The following ASH1L variants were observed in gnomAD, a reference collection of about 807,000 sequenced individuals.
ASH1L encodes ASH1 like histone lysine methyltransferase.
A neutral mutation model predicts 269.0 loss-of-function variants in ASH1L; 23 were observed. The observed-to-expected ratio is 0.09, with a 90% CI of 0.06 to 0.12. The LOEUF (loss-of-function observed/expected upper bound fraction) is 0.12, where lower values mean the gene tolerates loss of function less well. ASH1L is among the 10% of genes least tolerant of loss of function. ASH1L has a pLI of 1.00. For synonymous variants in ASH1L, 1,187 were observed against 1,253.5 expected, an observed-to-expected ratio of 0.95 and a Z score of 1.12; for missense variants, 2,912 against 3,567.8, an observed-to-expected ratio of 0.82 and a Z score of 4.68.
chr1:155,434,104 A>G, intron 5 of ASH1L: 1 of 1,593,350 alleles, frequency 6.3e-7, no homozygotes, highest in Non-Finnish European at 8.5e-7. Flanking sequence ...TCTCAGGGGT[A>G]CCAGTATCCT....
intron 1 of ASH1L, among the ~76,000 whole-genome samples, chr1:155,560,263 C>T (rs147473764): frequency 3.0e-4 from 45 of 152,154 alleles, no homozygotes; most frequent in African/African-American, 9.6e-4. Context: ...ACTTGAGGGC[C>T]CAGTGTCTTT....
Position 155,343,782 on chromosome 1 carries a change from C to T in ASH1L, c.7982-40G>A, listed in dbSNP as rs757766035. ...AACACAGAAGAAACATAAAACAATT[C>T]TTGTATGAATTCTGTTAGGCATCTG... On this transcript the variant is annotated intron_variant, in intron 22 of 27. Coordinates refer to ENST00000392403, the MANE Select transcript of ASH1L (RefSeq NM_018489.3). The surrounding 1 kb of genome is among the most constrained non-coding windows in gnomAD (Gnocchi z 6.1). 1.2e-6 allele frequency: 2 copies of T among 1,605,728 alleles called. No homozygotes were observed. The highest frequency in any genetic ancestry group is 1.7e-6 in the Non-Finnish European group (2 of 1,176,054).
intron 3 of ASH1L, among the ~76,000 whole-genome samples, chr1:155,466,705 G>A (rs1314283925): frequency 6.6e-6 from 1 of 152,128 alleles, no homozygotes; most frequent in African/African-American, 2.4e-5. Flanking sequence ...TCTGTGTCAG[G>A]AACATTTCAA....
In ASH1L at chr1:155,480,075, C is replaced by T. The variant is rs1332208973; in HGVS notation, c.2795G>A (p.Ser932Asn). ...ATCCTCGCTCTCAAAGAAATCACTG[C>T]TACTTCTATGGTTGTCACTTTCAGA... ...LESESDNHRS[S>N]SDFFESEDQL... is the part of the protein sequence containing the mutation. The change falls in exon 3 of 28, where the codon AGC becomes AAC. Residue 932 changes from serine to asparagine, a missense_variant. By Grantham distance (46) the Ser-to-Asn change is conservative. Transcript: ENST00000392403. 1 of 1,614,098 alleles carries T rather than the reference C, an allele frequency of 6.2e-7. No individual in the cohort carries two copies. Among genetic ancestry groups the T allele is most frequent in the Non-Finnish European group, 8.5e-7 (1 of 1,180,014 alleles).
intron 6 of ASH1L, among the ~76,000 whole-genome samples, chr1:155,412,169 G>A (rs1375235870): frequency 1.3e-5 from 2 of 151,840 alleles, no homozygotes; most frequent in Non-Finnish European, 2.9e-5. Flanking sequence ...TTGAACCCAG[G>A]AGGTGGAGGT....
At chr1:155,530,097 AT>A (rs1160552312) in intron 1 of ASH1L, among the ~76,000 whole-genome samples, 2 of 152,024 alleles carry the variant, frequency 1.3e-5, no homozygotes, top group South Asian at 4.2e-4. Context: ...AGATAATTGC[AT>A]ATCTTGCTCT....
chr1:155,452,192 T>G (rs914203033), intron 4 of ASH1L, among the ~76,000 whole-genome samples: 14 of 151,046 alleles, frequency 9.3e-5, no homozygotes, highest in African/African-American at 3.4e-4. Context: ...GCGCCCGCCA[T>G]CATACCTGGC....
chr1:155,526,371 T>C (rs1203556344), intron 1 of ASH1L, among the ~76,000 whole-genome samples: 1 of 152,262 alleles, frequency 6.6e-6, no homozygotes, highest in Admixed American at 6.5e-5. Context: ...ATATTTCACA[T>C]AGGTGGTTTT....
In ASH1L at chr1:155,370,618, C is replaced by T. The variant is rs773010778; in HGVS notation, c.6572G>A (p.Ser2191Asn). ...ATCCAGGTTCAGGCAGTAGTGGTCA[C>T]TGTGATTATGATACTGCTCAATCAT... is the stretch of plus-strand genomic sequence containing the variant. Reference protein sequence around the residue: ...NRMIEQYHNHSDHYCLNLDSG... With the variant: ...NRMIEQYHNHNDHYCLNLDSG... The change falls in exon 12 of 28, where the codon AGT (serine) becomes AAT (asparagine). Residue 2191 changes from serine to asparagine, a missense_variant. Physicochemically the swap from Ser to Asn is conservative, Grantham distance 46. Around this residue, in one of 13 missense-constraint regions of ASH1L, gnomAD observed 193 missense variants for 311.6 expected, o/e 0.62. Transcript: ENST00000392403. The T allele has an allele frequency of 6.2e-7, 1 of 1,614,138 alleles. No homozygotes were observed. The highest frequency in any genetic ancestry group is 8.5e-7 in the Non-Finnish European group (1 of 1,180,028).
intron 4 of ASH1L, among the ~76,000 whole-genome samples, chr1:155,441,917 C>T (rs1358406245): frequency 6.6e-6 from 1 of 151,936 alleles, no homozygotes; most frequent in Non-Finnish European, 1.5e-5. Context: ...AGGCATGCAC[C>T]AACATGCCCA....
intron 5 of ASH1L, among the ~76,000 whole-genome samples, chr1:155,437,652 G>A (rs1208280545): frequency 1.3e-5 from 2 of 152,126 alleles, no homozygotes; most frequent in Non-Finnish European, 2.9e-5. Flanking sequence ...TTGTATACCC[G>A]CTGTCATAGC....
At chr1:155,387,103 A>G (rs1657501918) in intron 7 of ASH1L, among the ~76,000 whole-genome samples, 1 of 151,600 alleles carries the variant, frequency 6.6e-6, no homozygotes, top group Non-Finnish European at 1.5e-5. Flanking sequence ...CCTCTCAAGT[A>G]GCTGGGATTA....
chr1:155,478,746 C>T lies in ASH1L; in HGVS notation c.4124G>A (p.Ser1375Asn), dbSNP rs1387598679. 6.2e-7 allele frequency: 1 copy of T among 1,613,964 alleles called. No homozygotes were observed. The highest frequency in any genetic ancestry group is 8.5e-7 in the Non-Finnish European group (1 of 1,180,034). Residue 1375 changes from serine to asparagine, a missense_variant, in exon 3 of 28, where the codon AGT (serine) becomes AAT (asparagine). Ser to Asn is a conservative substitution (Grantham distance 46). Around this residue, in one of 13 missense-constraint regions of ASH1L, gnomAD observed 789 missense variants for 897.6 expected, o/e 0.88. Coordinates refer to ENST00000392403, the MANE Select transcript of ASH1L (RefSeq NM_018489.3). The surrounding 1 kb of genome is among the most constrained non-coding windows in gnomAD (Gnocchi z 4.6). ...FMHSLSFPLS[S>N]TGFYPSYGMP... ...ACCATAAGATGGATAGAATCCAGTA[C>T]TAGAAAGAGGAAAACTAAGGCTGTG...
intron 6 of ASH1L, among the ~76,000 whole-genome samples, chr1:155,397,759 A>G (rs1658486966): frequency 1.3e-5 from 2 of 152,112 alleles, no homozygotes; most frequent in Admixed American, 1.3e-4. Flanking sequence ...ACAGGGTTTT[A>G]TCACATTGGC....
chr1:155,346,320 G>A (rs1653316207), intron 21 of ASH1L, 63 bp downstream of exon 21: 4 of 1,572,976 alleles, frequency 2.5e-6, no homozygotes, highest in African/African-American at 1.4e-5. Context: ...AGCAGGACAG[G>A]TGAGATACCA....
chr1:155,422,478 CCTCAG>C (rs1558087076), intron 5 of ASH1L, among the ~76,000 whole-genome samples: 1 of 151,684 alleles, frequency 6.6e-6, no homozygotes, highest in East Asian at 1.9e-4. Context: ...GAACTCCTGA[CCTCAG>C]ATGATTTACA....
intron 1 of ASH1L, among the ~76,000 whole-genome samples, chr1:155,539,557 A>G (rs931879588): frequency 6.6e-6 from 1 of 152,060 alleles, no homozygotes; most frequent in Non-Finnish European, 1.5e-5. Context: ...CCTGGGCCCA[A>G]GCAGCCTTAG....
Position 155,480,235 on chromosome 1 carries a change from G to C in ASH1L, c.2635C>G (p.Gln879Glu). 1 of 1,614,172 alleles carries C rather than the reference G, an allele frequency of 6.2e-7. No individual in the cohort carries two copies. The highest frequency in any genetic ancestry group is 8.5e-7 in the Non-Finnish European group (1 of 1,180,008). Residue 879 changes from glutamine (Q) to glutamate (E), a missense_variant, in exon 3 of 28, where the codon CAA (glutamine) becomes GAA (glutamate). Gln to Glu is a conservative substitution (Grantham distance 29). Transcript: ENST00000392403. ...GGAAAAGGAGACACAGACAGACCTT[G>C]TTTGAAGGAAGGGATTTCAATTTCT... ...QPEIEIPSFK[Q>E]GLSVSPFPKK...
intron 2 of ASH1L, among the ~76,000 whole-genome samples, chr1:155,505,501 T>A (rs1571007339): frequency 6.6e-6 from 1 of 152,236 alleles, no homozygotes; most frequent in Non-Finnish European, 1.5e-5. Flanking sequence ...GATATAAAAC[T>A]GTAACCTCCT....
Sources: gnomAD v4.1 joint callset for allele counts (sites outside exome capture counted in the v4.1 genomes callset) on GRCh38, gnomAD v4.1.1 for gene constraint, gnomAD v4.1.1 regional missense constraint, Gnocchi (gnomAD v3.1) non-coding constraint, MANE v1.5 for transcripts, NCBI Gene and HGNC (gene_info 2026-07-23, HGNC 2026-07-21) for gene names.